LRRC9: variants seen among roughly 807,000 people sequenced by gnomAD.
The protein encoded by LRRC9 is leucine-rich repeat-containing protein 9.
A neutral mutation model predicts 63.2 loss-of-function variants in LRRC9; 122 were observed. The observed-to-expected ratio is 1.93, with a 90% CI of 1.67 to 2.24. The LOEUF (loss-of-function observed/expected upper bound fraction) is 2.24, where lower values mean the gene tolerates loss of function less well. LRRC9 is among the 30% of genes most tolerant of loss of function. The pLI is 0.00. For synonymous variants in LRRC9, 366 were observed against 213.1 expected, an observed-to-expected ratio of 1.72 and a Z score of -6.25; for missense variants, 1,071 against 627.7, an observed-to-expected ratio of 1.71 and a Z score of -7.55.
intron 10 of LRRC9, among the ~76,000 whole-genome samples, chr14:59,963,469 G>T (rs983108864): frequency 1.3e-5 from 2 of 151,498 alleles, no homozygotes; most frequent in East Asian, 3.9e-4. Context: ...CCTTGTGCCT[G>T]AGAAGCTGTC....
chr14:59,936,474 C>T lies in LRRC9; in HGVS notation c.544-1916C>T, dbSNP rs565928895. Among the ~76,000 whole-genome samples, 3 of 152,240 alleles carry T rather than the reference C, an allele frequency of 2.0e-5. No individual in the cohort carries two copies. The East Asian group carries it at 5.8e-4, about 29-fold the overall frequency. On this transcript the variant is annotated intron_variant, in intron 6 of 31. Coordinates refer to ENST00000445360, the Ensembl canonical transcript of LRRC9. The surrounding 1 kb of genome is among the most constrained non-coding windows in gnomAD (Gnocchi z 4.2). ...TCCAACCATACCAGGCACCAGAGCACTAATTTTCAGTGAGATTTTGTGCCT... is the reference window on the plus strand; with the variant it reads ...TCCAACCATACCAGGCACCAGAGCATTAATTTTCAGTGAGATTTTGTGCCT...
At chr14:60,063,443 A>C (rs1472941374) in exon 32 of LRRC9, 2 of 136,876 alleles carry the variant, frequency 1.5e-5, no homozygotes, top group Admixed American at 7.5e-5. Flanking sequence ...GTGGTCAGTT[A>C]AAAAAAAAAA....
At chr14:60,065,753 G>C (rs1290952229), downstream of LRRC9, among the ~76,000 whole-genome samples, 1 of 137,060 alleles carries the variant, frequency 7.3e-6, no homozygotes, top group Admixed American at 8.0e-5. Flanking sequence ...TTATGTCTTT[G>C]CTCCCAGCAA....
At position 59,965,580 on chromosome 14, in the gene LRRC9, A is replaced by G. The variant is rs74494820; in HGVS notation, c.1212-1009A>G. 3.3e-3 allele frequency among the ~76,000 whole-genome samples: 504 copies of G among 152,234 alleles called. 18 individuals carry two copies. In the East Asian group the frequency reaches 0.057, roughly 17 times the overall value. On this transcript the variant is annotated intron_variant, in intron 10 of 31. Transcript: ENST00000445360. The stretch of plus-strand genomic sequence containing the variant: ...GGATTTTAGATGTAGAGCCAGGCGG[A>G]CTTGCTAAAGAATTAGATACTGGGG...
In LRRC9 at chr14:59,942,753, C is replaced by T. The variant is rs1881917880; in HGVS notation, c.727-1836C>T. On this transcript the variant is annotated intron_variant, in intron 7 of 31. Transcript: ENST00000445360. The surrounding 1 kb of genome is among the most constrained non-coding windows in gnomAD (Gnocchi z 5.3). The stretch of plus-strand genomic sequence containing the variant: ...AAAAAAAAGAGTTCCCTTTGCTCTG[C>T]ATCCTCGCCAGCATCTCTCTCTCTC... Among the ~76,000 whole-genome samples, 1 of 151,964 alleles carries T rather than the reference C, an allele frequency of 6.6e-6. No homozygotes were observed. The highest frequency in any genetic ancestry group is 6.6e-5 in the Admixed American group (1 of 15,252).
intron 9 of LRRC9, 82 bp downstream of exon 9, chr14:59,960,096 C>A: frequency 1.8e-6 from 1 of 552,208 alleles, no homozygotes; most frequent in Non-Finnish European, 3.2e-6. Context: ...GACCCTAGTT[C>A]CCTTCTTCAG....
At chr14:60,052,367 C>A (rs1331435250) in intron 29 of LRRC9, among the ~76,000 whole-genome samples, 7 of 152,144 alleles carry the variant, frequency 4.6e-5, no homozygotes, top group Non-Finnish European at 8.8e-5. Context: ...TGTTTTTGCC[C>A]AAGGCAGCCC....
rs994795729 is a variant in LRRC9, at chr14:60,053,371, G to C, written c.4131+166G>C. ...CAAAGGCAGCTGGATTTGGTGAATA[G>C]AGCATGCGTGCTCACACACACACAC... On this transcript the variant is annotated intron_variant, in intron 30 of 31. Coordinates refer to ENST00000445360, the Ensembl canonical transcript of LRRC9. The surrounding 1 kb of genome is among the most constrained non-coding windows in gnomAD (Gnocchi z 4.8). Among the ~76,000 whole-genome samples, 3 of 136,966 alleles carry C rather than the reference G, an allele frequency of 2.2e-5. No homozygotes were observed. Among genetic ancestry groups the C allele is most frequent in the Admixed American group, 8.1e-5 (1 of 12,336 alleles). The allele number at this position is 136,966 out of a possible 152,430, so 89.9% of individuals were successfully genotyped here.
At chr14:60,029,830 T>C (rs770780635) in intron 28 of LRRC9, among the ~76,000 whole-genome samples, 3 of 152,162 alleles carry the variant, frequency 2.0e-5, no homozygotes, top group Non-Finnish European at 4.4e-5. Context: ...AATGACCAGC[T>C]CTTCTTTGTT....
chr14:60,027,645 T>C lies in LRRC9; in HGVS notation c.3704-239T>C, dbSNP rs1891665253. The stretch of plus-strand genomic sequence containing the variant: ...AGACATATTAGATCAATTCAGTACA[T>C]TCTGTACATCACATCCTGATCTTTC... On this transcript the variant is annotated intron_variant, in intron 27 of 31. Coordinates refer to ENST00000445360, the Ensembl canonical transcript of LRRC9. The surrounding 1 kb of genome is among the most constrained non-coding windows in gnomAD (Gnocchi z 4.0). Among the ~76,000 whole-genome samples, 1 of 152,124 alleles carries C rather than the reference T, an allele frequency of 6.6e-6. No individual in the cohort carries two copies. The highest frequency in any genetic ancestry group is 6.6e-5 in the Admixed American group (1 of 15,248).
At chr14:59,978,281 C>A (rs1351763955) in intron 15 of LRRC9, 149 bp downstream of exon 15, 1 of 517,624 alleles carries the variant, frequency 1.9e-6, no homozygotes, top group Admixed American at 3.5e-5. Context: ...ATTTTCAAAA[C>A]AAGTCAACTA....
intron 29 of LRRC9, among the ~76,000 whole-genome samples, chr14:60,035,639 G>T (rs1196032785): frequency 6.6e-6 from 1 of 152,144 alleles, no homozygotes; most frequent in Non-Finnish European, 1.5e-5. Context: ...TGTCAAAGAT[G>T]AATTGACTGT....
At chr14:60,059,964 AGAG>A (rs1471961740) in intron 31 of LRRC9, among the ~76,000 whole-genome samples, 8 of 152,214 alleles carry the variant, frequency 5.3e-5, no homozygotes, top group Non-Finnish European at 1.0e-4. Context: ...TCATAGCTAG[AGAG>A]GAGAAGTCAA....
chr14:60,057,833 GT>G, intron 30 of LRRC9, 44 bp from the exon 31 acceptor site: 1 of 596,312 alleles, frequency 1.7e-6, no homozygotes, highest in South Asian at 2.0e-5. Context: ...ATTGATCTGA[GT>G]TTTGGAGATG....
rs1417092058 is a variant in LRRC9, at chr14:59,958,192, C to G, written c.883-1626C>G. Among the ~76,000 whole-genome samples, 1 of 152,230 alleles carries G rather than the reference C, an allele frequency of 6.6e-6. No homozygotes were observed. The highest frequency in any genetic ancestry group is 1.5e-5 in the Non-Finnish European group (1 of 68,044). On this transcript the variant is annotated intron_variant, in intron 8 of 31. Transcript: ENST00000445360. The surrounding 1 kb of genome is among the most constrained non-coding windows in gnomAD (Gnocchi z 4.0). Reference sequence around the variant, plus strand: ...ATCCCTCTTGTCAGGATTAGCTGCTCTCTTCAGAGCTGGCAGGCAGGAACG... The same window carrying G: ...ATCCCTCTTGTCAGGATTAGCTGCTGTCTTCAGAGCTGGCAGGCAGGAACG...
Position 60,041,717 on chromosome 14 carries a change from T to C in LRRC9, c.3990+9654T>C, listed in dbSNP as rs956185969. ...TCTTTTAGCTCGGATAAGTTTATTATTACTGATCATCTGAAGCATTCTTCT... is the reference window on the plus strand; with the variant it reads ...TCTTTTAGCTCGGATAAGTTTATTACTACTGATCATCTGAAGCATTCTTCT... On this transcript the variant is annotated intron_variant, in intron 29 of 31. Transcript: ENST00000445360. 9.9e-5 allele frequency among the ~76,000 whole-genome samples: 15 copies of C among 152,202 alleles called. 1 individual carries two copies. Among genetic ancestry groups the C allele is most frequent in the Admixed American group, 6.5e-4 (10 of 15,272 alleles).
At chr14:60,040,705 C>T (rs1246057967) in intron 29 of LRRC9, among the ~76,000 whole-genome samples, 1 of 151,906 alleles carries the variant, frequency 6.6e-6, no homozygotes, top group African/African-American at 2.4e-5. Flanking sequence ...GGTCTTAACT[C>T]TTTATCCAAT....
intron 29 of LRRC9, among the ~76,000 whole-genome samples, chr14:60,035,621 G>T (rs1453960077): frequency 6.6e-6 from 1 of 152,032 alleles, no homozygotes; most frequent in Non-Finnish European, 1.5e-5. Flanking sequence ...GTAAGTTCTT[G>T]GTGCTTTTGT....
At chr14:59,985,845 G>C (rs1566846102) in intron 17 of LRRC9, among the ~76,000 whole-genome samples, 1 of 152,130 alleles carries the variant, frequency 6.6e-6, no homozygotes, top group Non-Finnish European at 1.5e-5. Context: ...ATCCGTACCA[G>C]TGGTCATATC....
Sources: allele counts gnomAD v4.1 joint callset (sites outside exome capture counted in the v4.1 genomes callset), GRCh38; gene constraint gnomAD v4.1.1; non-coding constraint Gnocchi (gnomAD v3.1); transcripts MANE v1.5; gene names NCBI Gene and HGNC (gene_info 2026-07-23, HGNC 2026-07-21).